Variants in ABCB4 observed in about 807,000 individuals in gnomAD.
ABCB4 encodes the protein ATP binding cassette subfamily B member 4.
In ABCB4, 76 loss-of-function variants were observed where a neutral mutation model predicts 145.7. That is an observed-to-expected ratio of 0.52 (90% confidence interval 0.43 to 0.63). ABCB4 has a LOEUF of 0.63. Among genes scored for constraint, ABCB4 ranks in the 30% least tolerant of loss-of-function variants. The pLI is 0.00. For missense variants in ABCB4, 1,234 were observed against 1,553.1 expected, an observed-to-expected ratio of 0.79 and a Z score of 3.45; for synonymous variants, 517 against 566.8, an observed-to-expected ratio of 0.91 and a Z score of 1.25.
At chr7:87,368,106 C>T in the ABCB4 span, among the ~76,000 whole-genome samples, 20 of 152,176 alleles carry the variant, frequency 1.3e-4, no homozygotes, top group Non-Finnish European at 2.5e-4. Flanking sequence ...CTGCACTGAC[C>T]TTGTTTTCCT....
intron 23 of ABCB4, 85 bp downstream of exon 23, chr7:87,411,808 G>A (rs1808641882): frequency 7.6e-7 from 1 of 1,310,118 alleles, no homozygotes; most frequent in South Asian, 1.2e-5. Context: ...GGACACAGGA[G>A]TCATTTTTTT....
intron 21 of ABCB4, among the ~76,000 whole-genome samples, chr7:87,415,641 C>G (rs1315772510): frequency 6.6e-6 from 1 of 152,144 alleles, no homozygotes; most frequent in African/African-American, 2.4e-5. Flanking sequence ...GGTACAATTT[C>G]TCATTTTACT....
chr7:87,418,903 T>G (rs45620035), intron 19 of ABCB4, among the ~76,000 whole-genome samples: 1 of 152,150 alleles, frequency 6.6e-6, no homozygotes, highest in Admixed American at 6.5e-5. Flanking sequence ...GGGAGGCTGG[T>G]AGGCATTCCA....
At chr7:87,448,816 TGGG>T (rs1811518266) in intron 8 of ABCB4, 1 of 152,048 alleles carries the variant, frequency 6.6e-6, no homozygotes, top group African/African-American at 2.4e-5. Flanking sequence ...GAAAATTAAA[TGGG>T]GGGAATAAGG....
At chr7:87,403,425 AC>A in intron 26 of ABCB4, 144 bp from the exon 27 acceptor site, 1 of 707,064 alleles carries the variant, frequency 1.4e-6, no homozygotes, top group Non-Finnish European at 2.4e-6. Context: ...TCAAAATCAA[AC>A]TAGAAAACTA....
rs1351641070 is a variant in ABCB4, at chr7:87,474,606, C to A, written c.80+780G>T. 2.6e-5 allele frequency among the ~76,000 whole-genome samples: 4 copies of A among 152,144 alleles called. No homozygotes were observed. In the East Asian group the frequency reaches 7.7e-4, roughly 29 times the overall value. ...TTTTCTGGGTAGCCTGGTATGAACT[C>A]AGAGACCGTAATAGCCTCATAAACT... On this transcript the variant is annotated intron_variant, in intron 2 of 27. Coordinates refer to ENST00000649586, the MANE Select transcript of ABCB4 (RefSeq NM_000443.4).
chr7:87,376,320 A>G, the ABCB4 span, among the ~76,000 whole-genome samples: 1 of 152,104 alleles, frequency 6.6e-6, no homozygotes, highest in Admixed American at 6.6e-5. Context: ...AACCTGCACT[A>G]GTGTATCTTG....
intron 6 of ABCB4, chr7:87,452,667 G>A (rs888722319): frequency 8.0e-6 from 4 of 499,080 alleles, no homozygotes; most frequent in African/African-American, 1.9e-5. Context: ...TGACAGTCTA[G>A]CACCTGTCAC....
chr7:87,404,344 C>A (rs953869198), intron 26 of ABCB4, among the ~76,000 whole-genome samples: 2 of 151,998 alleles, frequency 1.3e-5, no homozygotes, highest in African/African-American at 4.8e-5. Flanking sequence ...CCTTCCAGGG[C>A]TACACATGTT....
Position 87,402,266 on chromosome 7 carries a change from G to A in ABCB4, c.3670C>T (p.Arg1224Cys), listed in dbSNP as rs375484907. The A allele has an allele frequency of 3.7e-5, 60 of 1,613,954 alleles. No homozygotes were observed. The highest frequency in any genetic ancestry group is 9.9e-5 in the South Asian group (9 of 91,060). The change falls in exon 28 of 28, where the codon CGC becomes TGC. Residue 1224 changes from arginine (R) to cysteine (C), a missense_variant. Transcript: ENST00000649586. ...CGGTGAGCAATCACAATGCAGGTGCGGCCTTCTCTGGCTTTGTCCAGGGCT... is the reference window on the plus strand; with the variant it reads ...CGGTGAGCAATCACAATGCAGGTGCAGCCTTCTCTGGCTTTGTCCAGGGCT... ...QEALDKAREG[R>C]TCIVIAHRLS... is the part of the protein sequence containing the mutation.
At chr7:87,424,097 T>G (rs764023742) in intron 16 of ABCB4, 45 bp from the exon 17 acceptor site, 5 of 1,613,110 alleles carry the variant, frequency 3.1e-6, no homozygotes, top group Non-Finnish European at 4.2e-6. Flanking sequence ...GACACAACAG[T>G]TACCAGAGTC....
Position 87,427,498 on chromosome 7 carries a change from G to A in ABCB4, c.1894-578C>T, listed in dbSNP as rs114595831. 2.8e-3 allele frequency among the ~76,000 whole-genome samples: 429 copies of A among 152,278 alleles called. 4 individuals carry two copies. The highest frequency in any genetic ancestry group is 9.8e-3 in the African/African-American group (408 of 41,544). On this transcript the variant is annotated intron_variant, in intron 15 of 27. Coordinates refer to ENST00000649586, the MANE Select transcript of ABCB4 (RefSeq NM_000443.4). The stretch of plus-strand genomic sequence containing the variant: ...CTTTTTAATGGGAATGGGGGTGGGG[G>A]TGCTGATCTAAGGACTTCTAGTTCA...
chr7:87,412,423 G>A (rs1369405652), intron 22 of ABCB4, among the ~76,000 whole-genome samples: 4 of 152,126 alleles, frequency 2.6e-5, no homozygotes, highest in African/African-American at 4.8e-5. Context: ...CTACTATTAT[G>A]TTGTTTCCTG....
Position 87,408,102 on chromosome 7 carries a change from C to A in ABCB4, c.3214G>T (p.Gly1072Cys). ...TGGACCACCGTGCTCTTCCCACAGC[C>A]ACTGCTGCCCACCAGGGCTAGTGTC... ...GQTLALVGSS[G>C]CGKSTVVQLL... Residue 1072 changes from glycine (G) to cysteine (C), a missense_variant, in exon 25 of 28, where the codon GGC becomes TGC. Coordinates refer to ENST00000649586, the MANE Select transcript of ABCB4 (RefSeq NM_000443.4). 1 of 1,614,242 alleles carries A rather than the reference C, an allele frequency of 6.2e-7. No homozygotes were observed. Among genetic ancestry groups the A allele is most frequent in the Non-Finnish European group, 8.5e-7 (1 of 1,180,036 alleles).
chr7:87,402,324 A>C (rs756465170), intron 27 of ABCB4, 22 bp from the exon 28 acceptor site: 1 of 1,613,642 alleles, frequency 6.2e-7, no homozygotes, highest in South Asian at 1.1e-5. Context: ...TCAGACAGAC[A>C]CCTTATCCCA....
the ABCB4 span, among the ~76,000 whole-genome samples, chr7:87,373,538 A>G: frequency 2.0e-5 from 3 of 152,124 alleles, no homozygotes; most frequent in Non-Finnish European, 4.4e-5. Context: ...ATCTTTTAAG[A>G]TCTTTTTAAA....
chr7:87,451,659 G>A lies in ABCB4; in HGVS notation c.672C>T (p.Ser224=). 2 of 1,614,112 alleles carry A rather than the reference G, an allele frequency of 1.2e-6. No individual in the cohort carries two copies. ...WKLTLVIMAI[S]PILGLSAAVW... ...CGGCTGCAGAGAGTCCTAGAATAGGGCTGATGGCCATTATCACAAGGGTGA... is the reference window on the plus strand; with the variant it reads ...CGGCTGCAGAGAGTCCTAGAATAGGACTGATGGCCATTATCACAAGGGTGA... Residue 224 remains serine, a synonymous_variant, in exon 7 of 28, where the codon AGC becomes AGT. Coordinates refer to ENST00000649586, the MANE Select transcript of ABCB4 (RefSeq NM_000443.4).
chr7:87,374,982 GA>G, the ABCB4 span, among the ~76,000 whole-genome samples: 4 of 151,972 alleles, frequency 2.6e-5, no homozygotes, highest in Middle Eastern at 3.2e-3. Flanking sequence ...CTTTATGGGA[GA>G]ACCCAGTTAT....
intron 7 of ABCB4, among the ~76,000 whole-genome samples, chr7:87,451,309 T>C (rs1040930312): frequency 3.9e-5 from 6 of 152,090 alleles, no homozygotes; most frequent in African/African-American, 1.4e-4. Context: ...TAGTTTTTCA[T>C]ATTTTTAGTA....
Sources: gnomAD v4.1 joint callset for allele counts (sites outside exome capture counted in the v4.1 genomes callset) on GRCh38, gnomAD v4.1.1 for gene constraint, MANE v1.5 for transcripts, NCBI Gene and HGNC (gene_info 2026-07-23, HGNC 2026-07-21) for gene names.